The following GRID2 variants were observed in gnomAD, a reference collection of about 807,000 sequenced individuals.
GRID2 encodes the protein glutamate ionotropic receptor delta type subunit 2, also known as glutamate receptor ionotropic, delta-2.
Under a neutral mutation model 114.8 loss-of-function variants are expected in GRID2, and 33 were observed. The ratio of observed to expected loss-of-function variants is 0.29; its 90% CI spans 0.22 to 0.38. GRID2 has a LOEUF of 0.38. Among genes scored for constraint, GRID2 ranks in the 10% least tolerant of loss-of-function variants. GRID2 has a pLI of 1.00. For missense variants in GRID2, 1,184 were observed against 1,257.7 expected (o/e 0.94, Z 0.89); for synonymous variants, 505 against 449.9 (o/e 1.12, Z -1.55).
chr4:93,679,690 C>T (rs1405315680), intron 14 of GRID2, among the ~76,000 whole-genome samples: 5 of 150,886 alleles, frequency 3.3e-5, no homozygotes, highest in African/African-American at 7.4e-5. Context: ...GGGTACATAA[C>T]AAAATGAAGG....
chr4:93,163,384 A>ATATACAC (rs1560941767), intron 4 of GRID2, among the ~76,000 whole-genome samples: 1 of 39,430 alleles, frequency 2.5e-5, no homozygotes, highest in African/African-American at 1.4e-4. Flanking sequence ...ATATATATAT[A>ATATACAC]TATATATATA....
At chr4:93,107,080 G>A (rs766712145) in intron 3 of GRID2, among the ~76,000 whole-genome samples, 7 of 152,122 alleles carry the variant, frequency 4.6e-5, no homozygotes, top group South Asian at 2.1e-4. Context: ...CAGGTGGATC[G>A]CCTGAGCTCA....
chr4:93,626,232 A>G (rs749111261), intron 13 of GRID2, 37 bp from the exon 14 acceptor site: 3 of 1,231,898 alleles, frequency 2.4e-6, no homozygotes, highest in Non-Finnish European at 3.5e-6. Context: ...TCCAACTTTA[A>G]ACCCTATTTC....
chr4:93,612,888 A>T (rs914040793), intron 13 of GRID2, among the ~76,000 whole-genome samples: 7 of 145,080 alleles, frequency 4.8e-5, no homozygotes, highest in Admixed American at 1.4e-4. Flanking sequence ...GTTCTCCAGG[A>T]TAATATCCTG....
intron 6 of GRID2, among the ~76,000 whole-genome samples, chr4:93,223,137 G>A (rs2149490800): frequency 6.6e-6 from 1 of 152,122 alleles, no homozygotes; most frequent in South Asian, 2.1e-4. Context: ...ATTCCAACCT[G>A]AATGTTGATT....
At chr4:93,386,928 T>C (rs1579912475) in intron 8 of GRID2, among the ~76,000 whole-genome samples, 1 of 152,088 alleles carries the variant, frequency 6.6e-6, no homozygotes, top group East Asian at 1.9e-4. Flanking sequence ...CAAATATGTA[T>C]AAAACATGGC....
intron 2 of GRID2, among the ~76,000 whole-genome samples, chr4:92,777,231 A>T (rs1738850454): frequency 6.6e-6 from 1 of 151,996 alleles, no homozygotes; most frequent in Non-Finnish European, 1.5e-5. Context: ...TATTGTGCTG[A>T]ATTAATTTCT....
intron 1 of GRID2, among the ~76,000 whole-genome samples, chr4:92,511,401 T>A (rs1579493670): frequency 6.6e-6 from 1 of 151,964 alleles, no homozygotes; most frequent in African/African-American, 2.4e-5. Flanking sequence ...CCGCCAACAC[T>A]GGGAATCACA....
At chr4:93,318,157 A>G (rs1419535507) in intron 8 of GRID2, among the ~76,000 whole-genome samples, 2 of 151,406 alleles carry the variant, frequency 1.3e-5, no homozygotes, top group African/African-American at 2.4e-5. Context: ...AAACTTTCCA[A>G]TGACTCAAGT....
chr4:93,105,708 C>G (rs1338739839), intron 3 of GRID2, among the ~76,000 whole-genome samples: 1 of 152,160 alleles, frequency 6.6e-6, no homozygotes, highest in Non-Finnish European at 1.5e-5. Context: ...TCAAAGCCAG[C>G]AGTCTTTCAT....
intron 11 of GRID2, among the ~76,000 whole-genome samples, chr4:93,461,584 A>G (rs1189809808): frequency 6.6e-6 from 1 of 152,122 alleles, no homozygotes; most frequent in African/African-American, 2.4e-5. Flanking sequence ...TGTTAAATAT[A>G]TGTGAGTTGT....
intron 12 of GRID2, among the ~76,000 whole-genome samples, chr4:93,509,781 T>TGG (rs1233028159): frequency 1.3e-5 from 2 of 152,200 alleles, no homozygotes; most frequent in Non-Finnish European, 2.9e-5. Context: ...ACTTGCTTCT[T>TGG]GGGTCTAAAC....
chr4:93,458,551 T>G (rs1723420410), intron 11 of GRID2, among the ~76,000 whole-genome samples: 1 of 152,150 alleles, frequency 6.6e-6, no homozygotes, highest in Non-Finnish European at 1.5e-5. Context: ...ATGTTCCAGG[T>G]TGGGAGTCAT....
At chr4:93,489,300 G>T (rs1466509094) in intron 11 of GRID2, among the ~76,000 whole-genome samples, 2 of 151,878 alleles carry the variant, frequency 1.3e-5, no homozygotes, top group Admixed American at 6.6e-5. Context: ...ATAACCATTT[G>T]CAAATGCAAG....
intron 2 of GRID2, among the ~76,000 whole-genome samples, chr4:92,765,076 G>A (rs1167275480): frequency 1.3e-5 from 2 of 151,994 alleles, no homozygotes; most frequent in Non-Finnish European, 2.9e-5. Context: ...TTATTTTTCA[G>A]GCCTAAATGA....
At chr4:92,877,662 C>A (rs1745732098) in intron 2 of GRID2, among the ~76,000 whole-genome samples, 1 of 152,160 alleles carries the variant, frequency 6.6e-6, no homozygotes, top group African/African-American at 2.4e-5. Context: ...TACCTCCCAT[C>A]CTTATCAGAA....
At chr4:92,548,805 A>G (rs1726418100) in intron 1 of GRID2, among the ~76,000 whole-genome samples, 1 of 152,092 alleles carries the variant, frequency 6.6e-6, no homozygotes, top group South Asian at 2.1e-4. Flanking sequence ...GGAAACTTTC[A>G]TTCGTGGTGG....
At chr4:92,387,532 G>A (rs2110252945) in intron 1 of GRID2, among the ~76,000 whole-genome samples, 1 of 152,008 alleles carries the variant, frequency 6.6e-6, no homozygotes, top group African/African-American at 2.4e-5. Flanking sequence ...TTTCCTATTT[G>A]TCTAGAGTAT....
At chr4:92,968,651 G>A (rs1753306719) in intron 2 of GRID2, among the ~76,000 whole-genome samples, 1 of 151,820 alleles carries the variant, frequency 6.6e-6, no homozygotes, top group Admixed American at 6.6e-5. Context: ...GATTCACATA[G>A]TTGTACAAAC....
Sources: allele counts gnomAD v4.1 joint callset (sites outside exome capture counted in the v4.1 genomes callset), GRCh38; gene constraint gnomAD v4.1.1; transcripts MANE v1.5; gene names NCBI Gene and HGNC (gene_info 2026-07-23, HGNC 2026-07-21).